Variants in STRBP observed in about 807,000 individuals in gnomAD.
STRBP encodes the protein spermatid perinuclear RNA-binding protein.
STRBP carries 13 observed loss-of-function variants against 80.1 expected under a neutral mutation model. The ratio of observed to expected loss-of-function variants is 0.16; its 90% confidence interval spans 0.11 to 0.26. The LOEUF (loss-of-function observed/expected upper bound fraction) is 0.26, where lower values mean the gene tolerates loss of function less well. STRBP is among the 10% of genes least tolerant of loss of function. The probability of loss-of-function intolerance (pLI) is 1.00; values close to 1 mark genes in which losing one functional copy is unlikely to be tolerated. For missense variants in STRBP, 485 were observed against 815.2 expected, an observed-to-expected ratio of 0.59 and a Z score of 4.93; for synonymous variants, 284 against 291.2, an observed-to-expected ratio of 0.98 and a Z score of 0.25.
Position 123,124,153 on chromosome 9 carries a change from T to G in STRBP, c.*1444A>C. 1.9e-5 allele frequency: 19 copies of G among 985,478 alleles called. No individual in the cohort carries two copies. Among genetic ancestry groups the G allele is most frequent in the Non-Finnish European group, 2.3e-5 (19 of 829,936 alleles). 61.0% of individuals were successfully genotyped at this position (985,478 alleles called of 1,614,324 possible). A position where few individuals can be genotyped will look rare whatever the true frequency, so the allele number is the denominator to read the frequency against. On this transcript the variant is annotated 3_prime_UTR_variant, in exon 19 of 19. Transcript: ENST00000348403. ...GAATTTGGTACATACATTTGCCATA[T>G]TTTGTGAAGCCCATTCTCATGGATG...
At chr9:123,190,541 A>T (rs1186124711) in intron 2 of STRBP, among the ~76,000 whole-genome samples, 6 of 152,052 alleles carry the variant, frequency 3.9e-5, no homozygotes, top group African/African-American at 1.4e-4. Context: ...ATCCTCACCT[A>T]GTTCCAAATT....
chr9:123,145,907 T>A (rs2036792826), intron 13 of STRBP, among the ~76,000 whole-genome samples: 1 of 152,178 alleles, frequency 6.6e-6, no homozygotes, highest in African/African-American at 2.4e-5. Context: ...TCTGCATGCA[T>A]TGTTCTGATC....
At chr9:123,170,474 T>C (rs1282173638) in intron 5 of STRBP, among the ~76,000 whole-genome samples, 1 of 152,182 alleles carries the variant, frequency 6.6e-6, no homozygotes, top group Non-Finnish European at 1.5e-5. Context: ...GAACTCCTAC[T>C]TGGCAAAAAC....
chr9:123,195,793 A>G (rs894889278), intron 2 of STRBP, among the ~76,000 whole-genome samples: 13 of 152,216 alleles, frequency 8.5e-5, no homozygotes, highest in Non-Finnish European at 1.5e-4. Context: ...TACAGGTTCA[A>G]TGCAATCTCT....
At position 123,169,987 on chromosome 9, in the gene STRBP, A is replaced by T; in HGVS notation, c.450T>A (p.Ile150=). The T allele has an allele frequency of 6.2e-7, 1 of 1,610,106 alleles. No individual in the cohort carries two copies. ...EQCVNEASII[I]RNTKEPTLTL... Reference sequence around the variant, plus strand: ...TTAGCGTGGGCTCTTTTGTATTCCGAATTATAATAGATGCCTCATTTACAC... The same window carrying T: ...TTAGCGTGGGCTCTTTTGTATTCCGTATTATAATAGATGCCTCATTTACAC... Residue 150 remains isoleucine, a synonymous_variant, in exon 6 of 19, where the codon ATT becomes ATA. Transcript: ENST00000348403.
intron 2 of STRBP, among the ~76,000 whole-genome samples, chr9:123,235,003 G>A (rs1350878667): frequency 6.8e-6 from 1 of 147,280 alleles, no homozygotes; most frequent in Non-Finnish European, 1.5e-5. Flanking sequence ...TTTTGGGGGG[G>A]GGGGGTACTG....
chr9:123,124,238 A>G lies in STRBP; in HGVS notation c.*1359T>C, dbSNP rs2035816020. ...GGGAAAATGAAAGCTAATTCATACT[A>G]AAAACAGACATTTTTAAGACATGGT... On this transcript the variant is annotated 3_prime_UTR_variant, in exon 19 of 19. Coordinates refer to ENST00000348403, the MANE Select transcript of STRBP (RefSeq NM_018387.5). The G allele has an allele frequency of 5.1e-6, 5 of 985,320 alleles. No individual in the cohort carries two copies. Among genetic ancestry groups the G allele is most frequent in the Non-Finnish European group, 3.6e-6 (3 of 829,934 alleles). The allele number at this position is 985,320 out of a possible 1,614,324, so 61.0% of individuals were successfully genotyped here.
At chr9:123,151,715 G>A (rs2037064700) in intron 11 of STRBP, among the ~76,000 whole-genome samples, 1 of 152,028 alleles carries the variant, frequency 6.6e-6, no homozygotes. Context: ...CATCTTAATA[G>A]TATATAAAAT....
At chr9:123,226,480 G>T (rs1281312050) in intron 2 of STRBP, among the ~76,000 whole-genome samples, 3 of 152,126 alleles carry the variant, frequency 2.0e-5, no homozygotes, top group Non-Finnish European at 4.4e-5. Flanking sequence ...TAATTCAGAT[G>T]CCATGCCTTG....
At chr9:123,262,855 A>G (rs1168225498) in intron 1 of STRBP, among the ~76,000 whole-genome samples, 1 of 152,218 alleles carries the variant, frequency 6.6e-6, no homozygotes, top group Non-Finnish European at 1.5e-5. Context: ...TCACCTCACT[A>G]TTCAATGCAA....
intron 11 of STRBP, among the ~76,000 whole-genome samples, chr9:123,154,273 A>C (rs1005717004): frequency 2.0e-5 from 3 of 152,230 alleles, no homozygotes; most frequent in African/African-American, 7.2e-5. Context: ...AATGAACTAT[A>C]TCTATGTGCA....
chr9:123,143,589 T>C (rs1004777356), intron 13 of STRBP, among the ~76,000 whole-genome samples: 3 of 152,244 alleles, frequency 2.0e-5, no homozygotes, highest in Admixed American at 6.5e-5. Context: ...ATATAACTTT[T>C]ATGGATAACA....
chr9:123,120,355 G>A (rs575772934), downstream of STRBP, among the ~76,000 whole-genome samples: 1 of 151,968 alleles, frequency 6.6e-6, no homozygotes, highest in East Asian at 1.9e-4. Flanking sequence ...CCTCTCTCAG[G>A]AGGCACTGGC....
chr9:123,165,846 T>G (rs889672628), intron 6 of STRBP, among the ~76,000 whole-genome samples: 1 of 152,184 alleles, frequency 6.6e-6, no homozygotes, highest in Non-Finnish European at 1.5e-5. Context: ...TAGGGCCATG[T>G]GAGGGCTTTT....
In STRBP at chr9:123,132,949, G is replaced by A; in HGVS notation, c.1793C>T (p.Thr598Ile). The change falls in exon 17 of 19, where the codon ACA (threonine) becomes ATA (isoleucine). Residue 598 changes from threonine to isoleucine, a missense_variant. Thr to Ile is a moderately conservative substitution (Grantham distance 89). Coordinates refer to ENST00000348403, the MANE Select transcript of STRBP (RefSeq NM_018387.5). ...AGCTTGGACTGCTGCAGACACAGCT[G>A]TATTCACAACGCCCTTTGCCTGTTA... Reference protein sequence around the residue: ...IIPQAKGVVNTAVSAAVQAVR... With the variant: ...IIPQAKGVVNIAVSAAVQAVR... 6.2e-7 allele frequency: 1 copy of A among 1,614,008 alleles called. No individual in the cohort carries two copies.
At chr9:123,242,019 C>T (rs1427156786) in intron 1 of STRBP, among the ~76,000 whole-genome samples, 2 of 152,152 alleles carry the variant, frequency 1.3e-5, no homozygotes. Flanking sequence ...CCACTGTGTC[C>T]CTAGCTGTTC....
rs1261342889 is a variant in STRBP, at chr9:123,122,373, G to A, written c.*3224C>T. On this transcript the variant is annotated 3_prime_UTR_variant, in exon 19 of 19. Coordinates refer to ENST00000348403, the MANE Select transcript of STRBP (RefSeq NM_018387.5). ...ACACCAGTTTTAAAAATACATTAAC[G>A]AGGTATTCCCAGCTCTTCAATTAAT... 3.9e-6 allele frequency: 5 copies of A among 1,282,382 alleles called. No homozygotes were observed. The highest frequency in any genetic ancestry group is 5.6e-5 in the East Asian group (1 of 17,804). 79.4% of individuals were successfully genotyped at this position (1,282,382 alleles called of 1,614,324 possible).
chr9:123,127,231 A>G (rs1308167820), intron 18 of STRBP, among the ~76,000 whole-genome samples: 2 of 152,222 alleles, frequency 1.3e-5, no homozygotes, highest in African/African-American at 4.8e-5. Context: ...GTGTTTTAGG[A>G]ACACAATTTT....
Position 123,122,158 on chromosome 9 carries a change from A to AT in STRBP, c.*3438dup. On this transcript the variant is annotated 3_prime_UTR_variant, in exon 19 of 19. Coordinates refer to ENST00000348403, the MANE Select transcript of STRBP (RefSeq NM_018387.5). ...TATATGCATGTTGTCTTAATTGACTATTTTTCTCTTTAATCAGAAAATAAA... is the reference window on the plus strand; with the variant it reads ...TATATGCATGTTGTCTTAATTGACTATTTTTTCTCTTTAATCAGAAAATAAA... 1 of 350,636 alleles carries AT rather than the reference A, an allele frequency of 2.9e-6. No individual in the cohort carries two copies. Among genetic ancestry groups the AT allele is most frequent in the Non-Finnish European group, 4.9e-6 (1 of 203,884 alleles). The allele number at this position is 350,636 out of a possible 1,614,324, so 21.7% of individuals were successfully genotyped here.
Sources: allele counts gnomAD v4.1 joint callset (sites outside exome capture counted in the v4.1 genomes callset), GRCh38; gene constraint gnomAD v4.1.1; transcripts MANE v1.5; gene names NCBI Gene and HGNC (gene_info 2026-07-23, HGNC 2026-07-21).